Variants in MCMBP observed in about 807,000 individuals in gnomAD.
MCMBP encodes the protein mini-chromosome maintenance complex-binding protein.
MCMBP carries 31 observed loss-of-function variants against 81.3 expected under a neutral mutation model. That is an observed-to-expected ratio of 0.38 (90% CI 0.29 to 0.51). MCMBP has a LOEUF of 0.51. Ranked by LOEUF, MCMBP falls within the 20% of genes least tolerant of loss-of-function variation. The pLI, the probability that MCMBP is intolerant of heterozygous loss-of-function variation, is 0.87. For synonymous variants in MCMBP, 267 were observed against 275.9 expected, an observed-to-expected ratio of 0.97 and a Z score of 0.32; for missense variants, 645 against 772.1, an observed-to-expected ratio of 0.84 and a Z score of 1.95.
At chr10:119,866,766 C>T (rs1388066160) in intron 1 of MCMBP, among the ~76,000 whole-genome samples, 3 of 151,938 alleles carry the variant, frequency 2.0e-5, no homozygotes, top group African/African-American at 7.3e-5. Context: ...TTTTTTGGAC[C>T]AGCCTGAGCA....
chr10:119,835,802 A>G, intron 13 of MCMBP, 98 bp from the exon 14 acceptor site: 1 of 1,229,340 alleles, frequency 8.1e-7, no homozygotes, highest in East Asian at 2.4e-5. Context: ...TATGGGAATT[A>G]GAAAATACCA....
intron 6 of MCMBP, among the ~76,000 whole-genome samples, chr10:119,850,082 C>G (rs1046927236): frequency 2.0e-5 from 3 of 152,116 alleles, no homozygotes; most frequent in Non-Finnish European, 4.4e-5. Flanking sequence ...AACCCCAACT[C>G]CTGAAGTAGT....
intron 4 of MCMBP, chr10:119,857,675 G>A: frequency 3.0e-6 from 1 of 335,314 alleles, no homozygotes. Context: ...CCTCTGGAGT[G>A]ACTTATAATC....
intron 4 of MCMBP, among the ~76,000 whole-genome samples, chr10:119,858,441 C>G (rs975291210): frequency 5.9e-5 from 9 of 152,024 alleles, no homozygotes; most frequent in Non-Finnish European, 1.3e-4. Flanking sequence ...AGAGAACATG[C>G]CTTTCCTAGG....
chr10:119,850,607 G>C (rs1589788623), intron 6 of MCMBP, among the ~76,000 whole-genome samples: 1 of 151,838 alleles, frequency 6.6e-6, no homozygotes, highest in East Asian at 2.0e-4. Flanking sequence ...AAATTAGCCA[G>C]GCGTGGTGAT....
intron 14 of MCMBP, 61 bp downstream of exon 14, chr10:119,835,479 G>T: frequency 7.1e-7 from 1 of 1,402,742 alleles, no homozygotes. Context: ...TATGGTAAAT[G>T]TAAATTGGTT....
At chr10:119,845,728 T>C (rs938412181) in intron 8 of MCMBP, among the ~76,000 whole-genome samples, 2 of 152,186 alleles carry the variant, frequency 1.3e-5, no homozygotes, top group African/African-American at 4.8e-5. Context: ...AAAAATGAAC[T>C]GGAAATGTAT....
chr10:119,839,800 A>AC (rs1336375646), intron 11 of MCMBP, among the ~76,000 whole-genome samples: 1 of 152,196 alleles, frequency 6.6e-6, no homozygotes, highest in Non-Finnish European at 1.5e-5. Context: ...AGTATCAAAG[A>AC]CCACCACCCA....
At chr10:119,842,692 G>A (rs2134354544) in intron 9 of MCMBP, 97 bp from the exon 10 acceptor site, 1 of 1,327,942 alleles carries the variant, frequency 7.5e-7, no homozygotes, top group Non-Finnish European at 1.0e-6. Context: ...GCACAATTCA[G>A]TCGACAGTAG....
At chr10:119,863,524 T>C (rs1191018935) in intron 1 of MCMBP, among the ~76,000 whole-genome samples, 1 of 145,676 alleles carries the variant, frequency 6.9e-6, no homozygotes, top group East Asian at 2.0e-4. Flanking sequence ...CTGTCAGGAG[T>C]TCAAGACCAG....
chr10:119,869,751 A>G (rs190104689), intron 1 of MCMBP, among the ~76,000 whole-genome samples: 36 of 152,240 alleles, frequency 2.4e-4, no homozygotes, highest in African/African-American at 7.7e-4. Context: ...AAAAGCAAAA[A>G]CAAAAACAAA....
chr10:119,870,276 G>A (rs575338198), intron 1 of MCMBP, among the ~76,000 whole-genome samples: 9 of 152,016 alleles, frequency 5.9e-5, no homozygotes, highest in African/African-American at 9.7e-5. Flanking sequence ...GTGAAACCCC[G>A]TCTCTACTAA....
At chr10:119,833,128 C>A (rs183988055) in intron 14 of MCMBP, among the ~76,000 whole-genome samples, 1 of 152,144 alleles carries the variant, frequency 6.6e-6, no homozygotes, top group Admixed American at 6.5e-5. Context: ...GAGACTACTA[C>A]CCAGCATTTA....
At chr10:119,870,569 AAGGTGAAGGATCTTC>A (rs1450926443) in intron 1 of MCMBP, among the ~76,000 whole-genome samples, 1 of 152,220 alleles carries the variant, frequency 6.6e-6, no homozygotes, top group East Asian at 1.9e-4. Context: ...GGTTATCTTG[AAGGTGAAGGATCTTC>A]AAAGATCTTT....
intron 5 of MCMBP, among the ~76,000 whole-genome samples, chr10:119,856,767 T>C (rs1316581526): frequency 6.6e-6 from 1 of 152,226 alleles, no homozygotes; most frequent in Non-Finnish European, 1.5e-5. Flanking sequence ...TTCCCTTAAT[T>C]AGAATGAATT....
chr10:119,869,955 C>T (rs1434377593), intron 1 of MCMBP, among the ~76,000 whole-genome samples: 1 of 152,200 alleles, frequency 6.6e-6, no homozygotes, highest in Admixed American at 6.5e-5. Flanking sequence ...CCACATGTAG[C>T]TACTGAGCAC....
At chr10:119,854,857 G>A (rs1852968284) in intron 5 of MCMBP, among the ~76,000 whole-genome samples, 1 of 151,738 alleles carries the variant, frequency 6.6e-6, no homozygotes, top group African/African-American at 2.4e-5. Context: ...TGGAGGCTGA[G>A]GCAGGAGAAT....
At chr10:119,835,845 T>C (rs1852221407) in intron 13 of MCMBP, 141 bp from the exon 14 acceptor site, 1 of 958,956 alleles carries the variant, frequency 1.0e-6, no homozygotes, top group Non-Finnish European at 1.5e-6. Context: ...TAATGTTTTT[T>C]TTTCTGTGTG....
Position 119,872,518 on chromosome 10 carries a change from G to A in MCMBP, c.58+9C>T, listed in dbSNP as rs1412123491. ...CCCGCCCGGCCCGCCCCCCGGCGCC[G>A]CCACTCACCGAAGAATCCCTGCACG... On this transcript the variant is annotated intron_variant, in intron 1 of 15. Coordinates refer to ENST00000369077, the MANE Select transcript of MCMBP (RefSeq NM_001256378.2). 2.5e-6 allele frequency: 3 copies of A among 1,176,970 alleles called. No homozygotes were observed. The highest frequency in any genetic ancestry group is 4.5e-5 in the Admixed American group (1 of 22,112). 72.9% of individuals were successfully genotyped at this position (1,176,970 alleles called of 1,614,324 possible).
Sources: gnomAD v4.1 joint callset for allele counts (sites outside exome capture counted in the v4.1 genomes callset) on GRCh38, gnomAD v4.1.1 for gene constraint, MANE v1.5 for transcripts, NCBI Gene and HGNC (gene_info 2026-07-23, HGNC 2026-07-21) for gene names.